Variants in TRMT11 observed in about 807,000 individuals in gnomAD.
TRMT11 encodes the protein tRNA (guanine(10)-N(2))-methyltransferase TRMT11.
TRMT11 carries 53 observed loss-of-function variants against 62.8 expected under a neutral mutation model. The observed-to-expected ratio is 0.84, with a 90% confidence interval of 0.68 to 1.06. The LOEUF (loss-of-function observed/expected upper bound fraction) is 1.06, where lower values mean the gene tolerates loss of function less well. Ranked by LOEUF, TRMT11 falls within the 50% of genes least tolerant of loss-of-function variation. The probability of loss-of-function intolerance (pLI) is 0.00; values close to 1 mark genes in which losing one functional copy is unlikely to be tolerated. For missense variants in TRMT11, 556 were observed against 553.4 expected (o/e 1.00, Z -0.05); for synonymous variants, 188 against 190.3 (o/e 0.99, Z 0.10).
chr6:126,037,541 C>T (rs1775414499), intron 12 of TRMT11, among the ~76,000 whole-genome samples: 1 of 151,980 alleles, frequency 6.6e-6, no homozygotes. Context: ...ACTTGGGTGC[C>T]ATAAAATTTC....
At chr6:126,050,547 A>G (rs557138320) in intron 16 of TRMT11, among the ~76,000 whole-genome samples, 1 of 152,110 alleles carries the variant, frequency 6.6e-6, no homozygotes, top group East Asian at 1.9e-4. Flanking sequence ...TACAAAAATA[A>G]AATGGGCCAG....
intron 21 of TRMT11, among the ~76,000 whole-genome samples, chr6:126,168,148 A>G (rs1778289134): frequency 6.6e-6 from 1 of 152,200 alleles, no homozygotes; most frequent in Non-Finnish European, 1.5e-5. Flanking sequence ...TCTTTTTATC[A>G]GTGAATATTA....
intron 21 of TRMT11, among the ~76,000 whole-genome samples, chr6:126,153,603 T>A (rs1778083596): frequency 6.6e-6 from 1 of 152,186 alleles, no homozygotes; most frequent in Non-Finnish European, 1.5e-5. Context: ...CAAACAGAAA[T>A]TTAGAGGTTG....
chr6:126,185,573 T>A (rs917297466), intron 1 of TRMT11, among the ~76,000 whole-genome samples: 1 of 152,246 alleles, frequency 6.6e-6, no homozygotes, highest in African/African-American at 2.4e-5. Flanking sequence ...TTCTATCTAA[T>A]GTTCTTCTAT....
At chr6:126,243,252 T>A in the TRMT11 span, among the ~76,000 whole-genome samples, 1 of 152,132 alleles carries the variant, frequency 6.6e-6, no homozygotes, top group Non-Finnish European at 1.5e-5. Flanking sequence ...CTCACACCAG[T>A]CAGAATGGCG....
intron 21 of TRMT11, among the ~76,000 whole-genome samples, chr6:126,130,629 CA>C (rs1777771476): frequency 6.6e-6 from 1 of 151,986 alleles, no homozygotes; most frequent in Non-Finnish European, 1.5e-5. Flanking sequence ...AAGTGGTACA[CA>C]ATTTTCCAAC....
In TRMT11 at chr6:126,021,246, G is replaced by T. The variant is rs1293779627; in HGVS notation, c.1226G>T (p.Arg409Leu). The change falls in exon 12 of 13, where the codon CGC becomes CTC. Residue 409 changes from arginine to leucine, a missense_variant. Physicochemically the swap from Arg to Leu is moderately radical, Grantham distance 102. Transcript: ENST00000334379. ...EQKLSSHTSR[R>L]LITMEKVKKF... ...AAGCTTTCCAGTCACACATCAAGGC[G>T]CTTGATCACAATGGAAAAGGTGAAG... 1.2e-6 allele frequency: 2 copies of T among 1,614,016 alleles called. No homozygotes were observed. The highest frequency in any genetic ancestry group is 2.2e-5 in the East Asian group (1 of 44,894).
chr6:126,121,275 C>T (rs1483066480), intron 21 of TRMT11, among the ~76,000 whole-genome samples: 1 of 152,134 alleles, frequency 6.6e-6, no homozygotes, highest in Admixed American at 6.6e-5. Flanking sequence ...GTCTGACTGT[C>T]TCACTTCATG....
At chr6:126,190,412 T>A (rs1295694664) in intron 1 of TRMT11, among the ~76,000 whole-genome samples, 1 of 152,128 alleles carries the variant, frequency 6.6e-6, no homozygotes, top group African/African-American at 2.4e-5. Flanking sequence ...TTGCACACAC[T>A]CCCTCTTGAT....
chr6:126,219,008 C>G, the TRMT11 span, among the ~76,000 whole-genome samples: 1 of 152,112 alleles, frequency 6.6e-6, no homozygotes, highest in Non-Finnish European at 1.5e-5. Context: ...ATACAAAGTC[C>G]CACAATTGTT....
intron 3 of TRMT11, among the ~76,000 whole-genome samples, chr6:126,200,313 T>C (rs190983141): frequency 9.9e-5 from 15 of 151,980 alleles, no homozygotes; most frequent in African/African-American, 3.4e-4. Flanking sequence ...TCAAATGAAG[T>C]AGGAAAGATA....
At chr6:126,240,965 G>A in the TRMT11 span, among the ~76,000 whole-genome samples, 1 of 152,232 alleles carries the variant, frequency 6.6e-6, no homozygotes, top group East Asian at 1.9e-4. Context: ...AGACTGCTGT[G>A]CCAGCAATGA....
intron 1 of TRMT11, among the ~76,000 whole-genome samples, chr6:126,184,710 G>C (rs188166363): frequency 6.6e-6 from 1 of 152,296 alleles, no homozygotes; most frequent in Admixed American, 6.5e-5. Flanking sequence ...AGCTGAGAAA[G>C]ATTGTAGACC....
chr6:126,109,861 A>G (rs6912715), intron 17 of TRMT11, among the ~76,000 whole-genome samples: 32,268 of 152,180 alleles, frequency 0.21, 7,059 homozygotes, highest in African/African-American at 0.56. Context: ...CAGACACAGG[A>G]ACTTGGTACT....
At chr6:126,051,680 A>G (rs1209050850) in intron 16 of TRMT11, among the ~76,000 whole-genome samples, 2 of 152,182 alleles carry the variant, frequency 1.3e-5, no homozygotes, top group Non-Finnish European at 2.9e-5. Context: ...GTTGGGAACC[A>G]GATGAGGAGT....
chr6:126,039,449 T>G (rs1775792175), downstream of TRMT11, among the ~76,000 whole-genome samples: 1 of 152,180 alleles, frequency 6.6e-6, no homozygotes, highest in Non-Finnish European at 1.5e-5. Flanking sequence ...TTTGAAGCTC[T>G]TTTGTACCTT....
intron 17 of TRMT11, among the ~76,000 whole-genome samples, chr6:126,101,796 G>A (rs958818773): frequency 6.6e-6 from 1 of 152,116 alleles, no homozygotes; most frequent in African/African-American, 2.4e-5. Flanking sequence ...ATTTCCTATT[G>A]GCATCTCCGT....
At position 126,014,884 on chromosome 6, in the gene TRMT11, C is replaced by T. The variant is rs187551700; in HGVS notation, c.1139+1783C>T. On this transcript the variant is annotated intron_variant, in intron 11 of 12. Coordinates refer to ENST00000334379, the MANE Select transcript of TRMT11 (RefSeq NM_001031712.3). Reference sequence around the variant, plus strand: ...GCTAGCTAATTTGTTTCCTTATTCCCAGTGCTGTATTCACTTAATTCGACA... The same window carrying T: ...GCTAGCTAATTTGTTTCCTTATTCCTAGTGCTGTATTCACTTAATTCGACA... 5.2e-4 allele frequency among the ~76,000 whole-genome samples: 79 copies of T among 151,700 alleles called. 2 individuals are homozygous for T. The East Asian group carries it at 0.014, about 27-fold the overall frequency.
At chr6:125,996,191 G>A in intron 3 of TRMT11, 151 bp downstream of exon 3, 1 of 555,118 alleles carries the variant, frequency 1.8e-6, no homozygotes, top group Non-Finnish European at 3.2e-6. Context: ...GACCAGAGGA[G>A]GGTTACCTGC....
Sources: gnomAD v4.1 joint callset for allele counts (sites outside exome capture counted in the v4.1 genomes callset) on GRCh38, gnomAD v4.1.1 for gene constraint, MANE v1.5 for transcripts, NCBI Gene and HGNC (gene_info 2026-07-23, HGNC 2026-07-21) for gene names.